Variants in TJP1 observed in about 807,000 individuals in gnomAD.
TJP1 encodes tight junction protein ZO-1.
TJP1 carries 43 observed loss-of-function variants against 194.2 expected under a neutral mutation model. The observed-to-expected ratio is 0.22, with a 90% CI of 0.17 to 0.29. TJP1 has a LOEUF of 0.29. Among genes scored for constraint, TJP1 ranks in the 10% least tolerant of loss-of-function variants. The pLI is 1.00. For missense variants in TJP1, 1,971 were observed against 2,185.7 expected (o/e 0.90, Z 1.96); for synonymous variants, 801 against 779.0 (o/e 1.03, Z -0.47).
intron 8 of TJP1, among the ~76,000 whole-genome samples, chr15:29,754,284 C>T (rs1184296173): frequency 1.3e-5 from 2 of 152,168 alleles, no homozygotes; most frequent in Admixed American, 1.3e-4. Flanking sequence ...GAAAACCAAA[C>T]ACTGCATGTT....
At chr15:29,771,201 T>C (rs2046648368) in intron 4 of TJP1, among the ~76,000 whole-genome samples, 1 of 152,242 alleles carries the variant, frequency 6.6e-6, no homozygotes. Context: ...CAGGCAATTC[T>C]GTCTTTGTGT....
chr15:29,827,403 C>A (rs1177984139), upstream of TJP1, among the ~76,000 whole-genome samples: 5 of 152,228 alleles, frequency 3.3e-5, no homozygotes, highest in East Asian at 9.7e-4. Context: ...GCTCTGATTA[C>A]CCACCCCTAA....
intron 2 of TJP1, among the ~76,000 whole-genome samples, chr15:29,953,689 G>GT (rs2055840111): frequency 6.6e-6 from 1 of 152,090 alleles, no homozygotes; most frequent in South Asian, 2.1e-4. Flanking sequence ...AACATGCAGA[G>GT]TAAGATACAG....
intron 2 of TJP1, among the ~76,000 whole-genome samples, chr15:29,785,665 C>T (rs1034175110): frequency 6.6e-6 from 1 of 152,078 alleles, no homozygotes; most frequent in Non-Finnish European, 1.5e-5. Context: ...GTACAATCCG[C>T]TAATTATAAC....
rs2047186591 is a variant in TJP1, at chr15:29,779,001, C to CT, written c.85-5645dup. On this transcript the variant is annotated intron_variant, in intron 2 of 27. Transcript: ENST00000614355. ...ATTAAGCCCGCCAAACTTAACCTGT[C>CT]TTTTTCATCGCTTACTTCTAGTTGA... 2.0e-5 allele frequency among the ~76,000 whole-genome samples: 3 copies of CT among 152,290 alleles called. No individual in the cohort carries two copies. The East Asian group carries it at 5.8e-4, about 29-fold the overall frequency.
At chr15:29,922,319 C>A (rs1176785281) in intron 2 of TJP1, among the ~76,000 whole-genome samples, 1 of 152,088 alleles carries the variant, frequency 6.6e-6, no homozygotes, top group Non-Finnish European at 1.5e-5. Context: ...CATGTCTCTA[C>A]AGAAAATTTT....
At chr15:29,729,838 A>T (rs934065114) in intron 15 of TJP1, among the ~76,000 whole-genome samples, 1 of 151,250 alleles carries the variant, frequency 6.6e-6, no homozygotes, top group Non-Finnish European at 1.5e-5. Context: ...AAAAAAAAAA[A>T]GGTTACTGAG....
intron 23 of TJP1, among the ~76,000 whole-genome samples, chr15:29,715,369 T>C (rs767514): frequency 0.79 from 120,879 of 152,104 alleles, 48,536 homozygotes; most frequent in East Asian, 0.86. Flanking sequence ...AACTGCTTTC[T>C]TCTGTAAACA....
chr15:29,760,109 C>A, intron 8 of TJP1: 1 of 631,080 alleles, frequency 1.6e-6, no homozygotes, highest in South Asian at 1.8e-5. Context: ...CCCTTTTCTT[C>A]TAAACTGTCT....
rs1158626424 is a variant in TJP1 at position 29,737,430 on chromosome 15, T to C, written c.1257-16A>G. ...CATGCTGGGCCTGTTAAAACAGATA[T>C]TTCATTTGAAACAGTTAAGAAGAGC... On this transcript the variant is annotated splice_polypyrimidine_tract_variant and intron_variant, in intron 10 of 27. Coordinates refer to ENST00000614355, the MANE Select transcript of TJP1 (RefSeq NM_001330239.4). The C allele has an allele frequency of 1.2e-6, 2 of 1,613,974 alleles. No homozygotes were observed. Among genetic ancestry groups the C allele is most frequent in the Admixed American group, 1.7e-5 (1 of 60,004 alleles).
At chr15:29,818,670 A>AT (rs11312672) in intron 1 of TJP1, among the ~76,000 whole-genome samples, 112 of 124,688 alleles carry the variant, frequency 9.0e-4, no homozygotes, top group African/African-American at 1.8e-3. Flanking sequence ...AGGCCCGGCT[A>AT]TTTTTTTTTT....
At chr15:29,759,435 GTTAA>G (rs1483432197) in intron 8 of TJP1, 1 of 152,160 alleles carries the variant, frequency 6.6e-6, no homozygotes, top group Non-Finnish European at 1.5e-5. Flanking sequence ...CCGAGACCAA[GTTAA>G]TTAACATATC....
At chr15:29,960,459 C>T (rs902199276) in intron 1 of TJP1, among the ~76,000 whole-genome samples, 6 of 148,232 alleles carry the variant, frequency 4.0e-5, no homozygotes, top group African/African-American at 1.5e-4. Flanking sequence ...ATAGAGAGAT[C>T]CCGTCTCTAC....
chr15:29,701,521 T>C lies in TJP1; in HGVS notation c.*74A>G, dbSNP rs935640432. On this transcript the variant is annotated 3_prime_UTR_variant, in exon 28 of 28. Coordinates refer to ENST00000614355, the MANE Select transcript of TJP1 (RefSeq NM_001330239.4). ...AGTATCAACTCTAAAAAAGGTATAA[T>C]ACTTGATAGAGTGGTTCCATTTAGA... 14 of 1,238,788 alleles carry C rather than the reference T, an allele frequency of 1.1e-5. No homozygotes were observed. In the Admixed American group the frequency reaches 2.5e-4, roughly 23 times the overall value. 76.7% of individuals were successfully genotyped at this position (1,238,788 alleles called of 1,614,324 possible).
At chr15:29,835,360 CA>C (rs756519707) in intron 2 of TJP1, among the ~76,000 whole-genome samples, 4 of 152,086 alleles carry the variant, frequency 2.6e-5, no homozygotes, top group Non-Finnish European at 5.9e-5. Context: ...TAAAAACATA[CA>C]AAATCCCAGC....
chr15:29,888,983 C>A (rs144059075), intron 2 of TJP1, among the ~76,000 whole-genome samples: 2 of 152,332 alleles, frequency 1.3e-5, no homozygotes, highest in East Asian at 3.9e-4. Flanking sequence ...AGGAAATGTG[C>A]TCTGTGGATA....
chr15:29,839,229 A>G (rs2051142266), intron 2 of TJP1, among the ~76,000 whole-genome samples: 1 of 151,572 alleles, frequency 6.6e-6, no homozygotes, highest in African/African-American at 2.4e-5. Context: ...TGATTTCCTG[A>G]CCTCGTGATC....
In TJP1 at chr15:29,950,177, T is replaced by A. The variant is rs541643606; in HGVS notation, c.306+6055A>T. ...CTCCACCACCACCACAACCACTACC[T>A]CCACCTCCACCACCACCACCACTTC... On this transcript the variant is annotated intron_variant, in intron 2 of 28. Transcript: ENST00000356107. 6.8e-3 allele frequency among the ~76,000 whole-genome samples: 397 copies of A among 57,978 alleles called. 38 individuals carry two copies. Among genetic ancestry groups the A allele is most frequent in the Middle Eastern group, 0.014 (1 of 72 alleles). The allele number at this position is 57,978 out of a possible 152,430, so 38.0% of individuals were successfully genotyped here.
intron 2 of TJP1, among the ~76,000 whole-genome samples, chr15:29,891,681 A>T (rs1304252698): frequency 6.6e-6 from 1 of 152,168 alleles, no homozygotes; most frequent in Non-Finnish European, 1.5e-5. Flanking sequence ...GTGATCAGCA[A>T]CATTTGATGT....
Sources: gnomAD v4.1 joint callset for allele counts (sites outside exome capture counted in the v4.1 genomes callset) on GRCh38, gnomAD v4.1.1 for gene constraint, MANE v1.5 for transcripts, NCBI Gene and HGNC (gene_info 2026-07-23, HGNC 2026-07-21) for gene names.